Variants in ST3GAL1 observed in about 807,000 individuals in gnomAD.
The protein encoded by ST3GAL1 is ST3 beta-galactoside alpha-2,3-sialyltransferase 1, also known as CMP-N-acetylneuraminate-beta-galactosamide-alpha-2,3-sialyltransferase 1.
In ST3GAL1, 16 loss-of-function variants were observed where a neutral mutation model predicts 34.1. The ratio of observed to expected loss-of-function variants is 0.47; its 90% CI spans 0.32 to 0.71. The LOEUF is 0.71. Among genes scored for constraint, ST3GAL1 ranks in the 30% least tolerant of loss-of-function variants. The pLI is 0.04. For synonymous variants in ST3GAL1, 191 were observed against 184.7 expected (o/e 1.03, Z -0.28); for missense variants, 353 against 447.4 (o/e 0.79, Z 1.90).
intron 1 of ST3GAL1, among the ~76,000 whole-genome samples, chr8:133,559,808 C>T (rs1000118200): frequency 3.3e-5 from 5 of 152,338 alleles, no homozygotes; most frequent in South Asian, 2.1e-4. Context: ...TAAGTTTACA[C>T]GCCTGATTGC....
chr8:133,507,154 A>C (rs768720259), intron 2 of ST3GAL1, among the ~76,000 whole-genome samples: 1 of 152,158 alleles, frequency 6.6e-6, no homozygotes, highest in Non-Finnish European at 1.5e-5. Context: ...TTGGTGTTTG[A>C]ATCAGATGCC....
At chr8:133,463,079 A>C (rs80020002) in intron 8 of ST3GAL1, among the ~76,000 whole-genome samples, 4,661 of 152,312 alleles carry the variant, frequency 0.031, 121 homozygotes, top group African/African-American at 0.066. Context: ...TTTGAGAGTA[A>C]TTCACAAACC....
At position 133,541,112 on chromosome 8, in the gene ST3GAL1, T is replaced by TAGAGAGAGAG. The variant is rs1438213053; in HGVS notation, c.-429+4661_-429+4662insCTCTCTCTCT. 3.6e-3 allele frequency among the ~76,000 whole-genome samples: 145 copies of TAGAGAGAGAG among 40,700 alleles called. 12 individuals are homozygous for TAGAGAGAGAG. Among genetic ancestry groups the TAGAGAGAGAG allele is most frequent in the South Asian group, 0.024 (25 of 1,044 alleles). 26.7% of individuals were successfully genotyped at this position (40,700 alleles called of 152,430 possible). On this transcript the variant is annotated intron_variant, in intron 2 of 9. Coordinates refer to ENST00000522652, the MANE Select transcript of ST3GAL1 (RefSeq NM_173344.3). The stretch of plus-strand genomic sequence containing the variant: ...ATATATAAACATATATATATATATA[T>TAGAGAGAGAG]ATATATATAGAGAGAGAGAGAGAGA...
At chr8:133,563,771 G>A (rs1819312384) in intron 1 of ST3GAL1, among the ~76,000 whole-genome samples, 2 of 152,198 alleles carry the variant, frequency 1.3e-5, no homozygotes, top group South Asian at 2.1e-4. Context: ...GGAGATTTCA[G>A]ATGTTAATGA....
At chr8:133,500,437 C>A (rs1192209121) in intron 2 of ST3GAL1, among the ~76,000 whole-genome samples, 1 of 152,276 alleles carries the variant, frequency 6.6e-6, no homozygotes, top group Non-Finnish European at 1.5e-5. Flanking sequence ...CTTTTCAGAA[C>A]AAGCAACACC....
chr8:133,465,679 C>T, intron 6 of ST3GAL1: 1 of 484,080 alleles, frequency 2.1e-6, no homozygotes, highest in Admixed American at 3.7e-5. Flanking sequence ...TTCCTCTCTG[C>T]ACGCAGAGGC....
chr8:133,494,588 T>A (rs1298353445), intron 3 of ST3GAL1, among the ~76,000 whole-genome samples: 1 of 152,132 alleles, frequency 6.6e-6, no homozygotes, highest in Non-Finnish European at 1.5e-5. Flanking sequence ...ACCTGAAGCC[T>A]CCAGTGGGTT....
At chr8:133,558,645 G>T (rs1430845446) in intron 1 of ST3GAL1, among the ~76,000 whole-genome samples, 1 of 152,116 alleles carries the variant, frequency 6.6e-6, no homozygotes, top group Non-Finnish European at 1.5e-5. Flanking sequence ...TGACACCATG[G>T]CTCAGAGAAA....
In ST3GAL1 at chr8:133,464,796, G is replaced by A. The variant is rs1189767362; in HGVS notation, c.665C>T (p.Thr222Ile). 2 of 1,613,512 alleles carry A rather than the reference G, an allele frequency of 1.2e-6. No individual in the cohort carries two copies. The highest frequency in any genetic ancestry group is 2.2e-5 in the South Asian group (2 of 91,006). The change falls in exon 7 of 10, where the codon ACC becomes ATC. Residue 222 changes from threonine (T) to isoleucine (I), a missense_variant. By Grantham distance (89) the Thr-to-Ile change is moderately conservative. Transcript: ENST00000522652. ...GACTCACTGGGAAATGGTGCCCGTG[G>A]TGATGGCGCTCACCACCCACTCCAA... ...IDLEWVVSAITTGTISHTYIP... is the reference protein window; with the variant it reads ...IDLEWVVSAIITGTISHTYIP...
intron 2 of ST3GAL1, among the ~76,000 whole-genome samples, chr8:133,536,170 G>A (rs62520288): frequency 0.19 from 29,650 of 152,062 alleles, 3,302 homozygotes; most frequent in East Asian, 0.47. Context: ...AGATGACTCT[G>A]TGATTAGCAG....
chr8:133,519,783 T>TA (rs11414086), intron 2 of ST3GAL1, among the ~76,000 whole-genome samples: 113,564 of 150,510 alleles, frequency 0.75, 42,889 homozygotes, highest in Middle Eastern at 0.86. Context: ...CCATGTCTAC[T>TA]AAAAAAAAAT....
chr8:133,541,112 T>TAGAGAG (rs1438213053), intron 2 of ST3GAL1, among the ~76,000 whole-genome samples: 799 of 40,678 alleles, frequency 0.02, 82 homozygotes, highest in Middle Eastern at 0.067. Flanking sequence ...TATATATATA[T>TAGAGAG]ATATATATAG....
At chr8:133,532,847 A>G (rs1159356700) in intron 2 of ST3GAL1, among the ~76,000 whole-genome samples, 3 of 152,186 alleles carry the variant, frequency 2.0e-5, no homozygotes, top group Admixed American at 1.3e-4. Context: ...GGACAGCCAC[A>G]TGCTCCTCCC....
intron 2 of ST3GAL1, among the ~76,000 whole-genome samples, chr8:133,543,668 T>C (rs1180000152): frequency 1.3e-5 from 2 of 152,146 alleles, no homozygotes; most frequent in Non-Finnish European, 2.9e-5. Context: ...AATATATTAC[T>C]TAGTGCATTG....
rs886560850 is a variant in ST3GAL1, at chr8:133,461,428, G to A, written c.849+447C>T. ...CTCGAGATCACGGGTTCTCAACCTC[G>A]GTAGACAGTGGAACCCCTGGGTACC... is the stretch of plus-strand genomic sequence containing the variant. On this transcript the variant is annotated intron_variant, in intron 9 of 9. Coordinates refer to ENST00000522652, the MANE Select transcript of ST3GAL1 (RefSeq NM_173344.3). This position sits in a 1 kb window ranked among gnomAD's most constrained non-coding sequence, Gnocchi z 4.7. Among the ~76,000 whole-genome samples, 6 of 152,162 alleles carry A rather than the reference G, an allele frequency of 3.9e-5. No individual in the cohort carries two copies. The highest frequency in any genetic ancestry group is 1.4e-4 in the African/African-American group (6 of 41,422).
rs576804628 is a variant in ST3GAL1, at chr8:133,455,995, A to G, written c.*3769T>C. ...CAGCCGTTTCCCTAAAGAATCACCC[A>G]GATCTTAACTGCCCTCTCCACCTTC... On this transcript the variant is annotated 3_prime_UTR_variant, in exon 10 of 10. Coordinates refer to ENST00000522652, the MANE Select transcript of ST3GAL1 (RefSeq NM_173344.3). 2 of 150,946 alleles carry G rather than the reference A, an allele frequency of 1.3e-5. No individual in the cohort carries two copies. Among genetic ancestry groups the G allele is most frequent in the East Asian group, 4.0e-4 (2 of 5,042 alleles). 9.4% of individuals were successfully genotyped at this position (150,946 alleles called of 1,614,324 possible).
rs1431587758 is a variant in ST3GAL1, at chr8:133,508,692, C to T, written c.-428-9503G>A. On this transcript the variant is annotated intron_variant, in intron 2 of 9. Coordinates refer to ENST00000522652, the MANE Select transcript of ST3GAL1 (RefSeq NM_173344.3). This position sits in a 1 kb window ranked among gnomAD's most constrained non-coding sequence, Gnocchi z 4.1. ...CAGACTCTTGGCTTTTGTGAGGAAC[C>T]AGAGCCATTGGTCATTTAGTAAAGA... Among the ~76,000 whole-genome samples the T allele has an allele frequency of 6.6e-6, 1 of 152,010 alleles. No homozygotes were observed. Among genetic ancestry groups the T allele is most frequent in the East Asian group, 1.9e-4 (1 of 5,190 alleles).
chr8:133,540,780 C>T (rs7813829), intron 2 of ST3GAL1, among the ~76,000 whole-genome samples: 2 of 80,010 alleles, frequency 2.5e-5, no homozygotes, highest in Non-Finnish European at 5.3e-5. Flanking sequence ...TATATAGAGA[C>T]ATATATATAT....
At chr8:133,516,599 C>T (rs1388766012) in intron 2 of ST3GAL1, among the ~76,000 whole-genome samples, 11 of 152,220 alleles carry the variant, frequency 7.2e-5, no homozygotes, top group Admixed American at 7.2e-4. Context: ...AAGGCCAAAA[C>T]CAGTTTACAT....
Sources: gnomAD v4.1 joint callset for allele counts (sites outside exome capture counted in the v4.1 genomes callset) on GRCh38, gnomAD v4.1.1 for gene constraint, Gnocchi (gnomAD v3.1) non-coding constraint, MANE v1.5 for transcripts, NCBI Gene and HGNC (gene_info 2026-07-23, HGNC 2026-07-21) for gene names.